Variants in FHIT observed in about 807,000 individuals in gnomAD.
FHIT encodes bis(5'-adenosyl)-triphosphatase.
Under a neutral mutation model 17.9 loss-of-function variants are expected in FHIT, and 19 were observed. The observed-to-expected ratio is 1.06, with a 90% confidence interval of 0.74 to 1.56. The LOEUF is 1.56. Ranked by LOEUF, FHIT falls within the 40% of genes most tolerant of loss-of-function variation. The pLI is 0.00. For synonymous variants in FHIT, 81 were observed against 69.7 expected, an observed-to-expected ratio of 1.16 and a Z score of -0.81; for missense variants, 248 against 189.2, an observed-to-expected ratio of 1.31 and a Z score of -1.82.
At chr3:60,035,944 C>T (rs1701199004) in intron 5 of FHIT, among the ~76,000 whole-genome samples, 1 of 152,172 alleles carries the variant, frequency 6.6e-6, no homozygotes, top group African/African-American at 2.4e-5. Context: ...GCTATTTGTC[C>T]ATGGTGGGCC....
rs868907107 is a variant in FHIT at position 60,860,876 on chromosome 3, T to G, written c.-110-38865A>C. 2.2e-4 allele frequency among the ~76,000 whole-genome samples: 20 copies of G among 90,828 alleles called. 5 individuals carry two copies. Among genetic ancestry groups the G allele is most frequent in the African/African-American group, 8.4e-4 (20 of 23,858 alleles). The allele number at this position is 90,828 out of a possible 152,430, so 59.6% of individuals were successfully genotyped here. ...TATGAACATATGTACATATATATCATGTATATATGAACATATATACGTATA... is the reference window on the plus strand; with the variant it reads ...TATGAACATATGTACATATATATCAGGTATATATGAACATATATACGTATA... On this transcript the variant is annotated intron_variant, in intron 3 of 9. Transcript: ENST00000492590.
intron 5 of FHIT, among the ~76,000 whole-genome samples, chr3:60,088,419 A>G (rs1477998495): frequency 3.9e-5 from 6 of 152,146 alleles, no homozygotes; most frequent in Non-Finnish European, 8.8e-5. Context: ...AACTAGTTGC[A>G]CGGCCATGCT....
At chr3:60,018,742 C>A (rs559787291) in intron 5 of FHIT, among the ~76,000 whole-genome samples, 5 of 152,286 alleles carry the variant, frequency 3.3e-5, no homozygotes, top group African/African-American at 1.2e-4. Context: ...CTTTGGGAGG[C>A]CAAAGCGCGC....
intron 4 of FHIT, among the ~76,000 whole-genome samples, chr3:60,734,153 C>T (rs1171391753): frequency 7.0e-6 from 1 of 142,090 alleles, no homozygotes; most frequent in Admixed American, 7.2e-5. Flanking sequence ...TTTCACTCTC[C>T]TGGGCCTGTG....
intron 5 of FHIT, among the ~76,000 whole-genome samples, chr3:60,465,998 T>C (rs1290144250): frequency 1.3e-5 from 2 of 152,116 alleles, no homozygotes; most frequent in Admixed American, 6.6e-5. Flanking sequence ...TTTAACAGTA[T>C]TGATTCTTCC....
At chr3:60,482,783 G>GA (rs941673669) in intron 5 of FHIT, among the ~76,000 whole-genome samples, 5 of 151,282 alleles carry the variant, frequency 3.3e-5, no homozygotes, top group Non-Finnish European at 7.4e-5. Flanking sequence ...AGAGGCAAGA[G>GA]AAAAAAATCC....
chr3:60,621,526 TATC>T (rs1434356590), intron 4 of FHIT, among the ~76,000 whole-genome samples: 2 of 152,006 alleles, frequency 1.3e-5, no homozygotes, highest in South Asian at 2.1e-4. Flanking sequence ...ATTTTATAAA[TATC>T]ATTCTGAAAT....
chr3:60,357,915 T>C (rs1409064802), intron 5 of FHIT, among the ~76,000 whole-genome samples: 1 of 152,146 alleles, frequency 6.6e-6, no homozygotes, highest in East Asian at 1.9e-4. Flanking sequence ...ACTGACCTTC[T>C]CCCAGTAGAT....
intron 2 of FHIT, among the ~76,000 whole-genome samples, chr3:61,171,838 C>G (rs2038013632): frequency 6.6e-6 from 1 of 152,214 alleles, no homozygotes; most frequent in African/African-American, 2.4e-5. Flanking sequence ...CCAAGATCCC[C>G]AGAAAATTCT....
intron 3 of FHIT, among the ~76,000 whole-genome samples, chr3:60,883,194 G>A (rs1705052435): frequency 1.3e-5 from 2 of 151,856 alleles, no homozygotes. Flanking sequence ...TAAATGACAG[G>A]ACACTGATAA....
At chr3:59,763,249 C>T (rs1039066675) in intron 8 of FHIT, among the ~76,000 whole-genome samples, 2 of 152,156 alleles carry the variant, frequency 1.3e-5, no homozygotes, top group Non-Finnish European at 2.9e-5. Flanking sequence ...GCAGAGTCTT[C>T]GGAAGCACAG....
intron 5 of FHIT, among the ~76,000 whole-genome samples, chr3:60,017,474 G>A: frequency 1.3e-5 from 2 of 152,208 alleles, no homozygotes; most frequent in East Asian, 3.8e-4. Context: ...TCATGGGCCA[G>A]ACTCCTGAGA....
chr3:60,852,957 CAT>C (rs1553748859), intron 3 of FHIT, among the ~76,000 whole-genome samples: 1 of 152,018 alleles, frequency 6.6e-6, no homozygotes, highest in Non-Finnish European at 1.5e-5. Context: ...ATATGAAACA[CAT>C]AGTTAAATAT....
chr3:59,899,032 C>T (rs1277579397), intron 8 of FHIT, among the ~76,000 whole-genome samples: 2 of 152,182 alleles, frequency 1.3e-5, no homozygotes, highest in Non-Finnish European at 2.9e-5. Context: ...CATCAGAGTC[C>T]TCACTGCCAT....
chr3:60,887,071 T>G (rs1225458447), intron 3 of FHIT, among the ~76,000 whole-genome samples: 5 of 152,228 alleles, frequency 3.3e-5, no homozygotes, highest in Non-Finnish European at 5.9e-5. Flanking sequence ...AAAGTTTTTC[T>G]TACAGTTAGG....
At chr3:60,303,702 C>T (rs892357531) in intron 5 of FHIT, among the ~76,000 whole-genome samples, 5 of 152,098 alleles carry the variant, frequency 3.3e-5, no homozygotes, top group African/African-American at 1.2e-4. Context: ...GCTGAGCCAC[C>T]CCTTGGAGGT....
chr3:61,163,273 T>C (rs995328574), intron 2 of FHIT, among the ~76,000 whole-genome samples: 10 of 152,208 alleles, frequency 6.6e-5, no homozygotes, highest in Non-Finnish European at 1.3e-4. Context: ...CTCCCTGTTA[T>C]AGTTCTTGCA....
chr3:61,007,728 C>T (rs2031545370), intron 3 of FHIT, among the ~76,000 whole-genome samples: 1 of 152,196 alleles, frequency 6.6e-6, no homozygotes, highest in Non-Finnish European at 1.5e-5. Context: ...ATGTTCCACT[C>T]AGATCTCTGT....
At chr3:60,848,937 G>A (rs1466030106) in intron 3 of FHIT, among the ~76,000 whole-genome samples, 2 of 151,994 alleles carry the variant, frequency 1.3e-5, no homozygotes, top group African/African-American at 4.8e-5. Context: ...TTGAAAACTA[G>A]GGACAAACAT....
Sources: gnomAD v4.1 joint callset for allele counts (sites outside exome capture counted in the v4.1 genomes callset) on GRCh38, gnomAD v4.1.1 for gene constraint, MANE v1.5 for transcripts, NCBI Gene and HGNC (gene_info 2026-07-23, HGNC 2026-07-21) for gene names.